The following CACNA1D variants were observed in gnomAD, a reference collection of about 807,000 sequenced individuals.
CACNA1D encodes voltage-dependent L-type calcium channel subunit alpha-1D.
A neutral mutation model predicts 257.1 loss-of-function variants in CACNA1D; 55 were observed. The ratio of observed to expected loss-of-function variants is 0.21; its 90% CI spans 0.17 to 0.27. The LOEUF is 0.27. Among genes scored for constraint, CACNA1D ranks in the 10% least tolerant of loss-of-function variants. The pLI is 1.00. For missense variants in CACNA1D, 1,876 were observed against 2,784.0 expected, an observed-to-expected ratio of 0.67 and a Z score of 7.34; for synonymous variants, 980 against 1,014.9, an observed-to-expected ratio of 0.97 and a Z score of 0.65.
At chr3:53,777,037 C>A in intron 37 of CACNA1D, 81 bp downstream of exon 37, 2 of 1,029,698 alleles carry the variant, frequency 1.9e-6, no homozygotes, top group Non-Finnish European at 3.0e-6. Flanking sequence ...AGTGACACAG[C>A]CAGGCCTTCT....
chr3:53,737,053 C>T (rs540088455), intron 20 of CACNA1D, among the ~76,000 whole-genome samples: 8 of 152,130 alleles, frequency 5.3e-5, no homozygotes, highest in Admixed American at 4.6e-4. Context: ...AATCCCAGCA[C>T]TTTGGGAGGC....
Position 53,725,230 on chromosome 3 carries a change from T to C in CACNA1D, c.2100+1231T>C, listed in dbSNP as rs1056767206. Among the ~76,000 whole-genome samples, 17 of 152,200 alleles carry C rather than the reference T, an allele frequency of 1.1e-4. 1 individual carries two copies. The highest frequency in any genetic ancestry group is 3.9e-4 in the African/African-American group (16 of 41,452). On this transcript the variant is annotated intron_variant, in intron 14 of 47. Coordinates refer to ENST00000350061, the MANE Select transcript of CACNA1D (RefSeq NM_001128840.3). ...CTCACTGTACGTGCTGTTTTGCATC[T>C]TGCTTTTATCACTTTGAGTGTCCTC...
chr3:53,807,617 T>C (rs1208937246), intron 45 of CACNA1D: 1 of 152,218 alleles, frequency 6.6e-6, no homozygotes, highest in Non-Finnish European at 1.5e-5. Flanking sequence ...AAACGATAGG[T>C]GTGCTCTCGA....
chr3:53,653,217 C>T (rs529578424), intron 4 of CACNA1D, among the ~76,000 whole-genome samples: 1 of 152,264 alleles, frequency 6.6e-6, no homozygotes, highest in South Asian at 2.1e-4. Flanking sequence ...TGCCACTGCA[C>T]TCCAACCTGG....
Position 53,803,398 on chromosome 3 carries a change from C to G in CACNA1D, c.5436-25C>G, listed in dbSNP as rs760671506. ...GAATTATCTGCCGCCTGCCCAGGTT[C>G]TCAGATCCTCTCTCCCAACTGCAGG... On this transcript the variant is annotated intron_variant, in intron 43 of 47. Transcript: ENST00000350061. 4.3e-6 allele frequency: 7 copies of G among 1,613,862 alleles called. No homozygotes were observed. In the African/African-American group the frequency reaches 9.3e-5, roughly 22 times the overall value.
chr3:53,808,597 GTC>G, intron 45 of CACNA1D, 50 bp from the exon 46 acceptor site: 1 of 1,600,876 alleles, frequency 6.2e-7, no homozygotes, highest in Non-Finnish European at 8.5e-7. Flanking sequence ...GAAAGACGGT[GTC>G]CCGGCAGAGA....
At position 53,679,270 on chromosome 3, in the gene CACNA1D, CAAAAAAAAAAAAAAAAAAAAAAAAAA is replaced by C. The variant is rs1166823497; in HGVS notation, c.1220+6156_1220+6181del. ...GGGTGACAAGAGCAAAACTCCATCT[CAAAAAAAAAAAAAAAAAAAAAAAAAA>C]AAAAAAAAAAAGACTTTTCTCTCAT... On this transcript the variant is annotated intron_variant, in intron 8 of 47. Transcript: ENST00000350061. 3 of 16,330 alleles carry C rather than the reference CAAAAAAAAAAAAAAAAAAAAAAAAAA, an allele frequency of 1.8e-4. No homozygotes were observed. In the Admixed American group the frequency reaches 4.2e-3, roughly 23 times the overall value. The allele number at this position is 16,330 out of a possible 1,614,324, so 1.0% of individuals were successfully genotyped here.
intron 3 of CACNA1D, among the ~76,000 whole-genome samples, chr3:53,609,935 G>C (rs1209151291): frequency 6.6e-6 from 1 of 151,940 alleles, no homozygotes; most frequent in Admixed American, 6.6e-5. Flanking sequence ...AGTTTTTTTG[G>C]TATGTTGCAT....
intron 9 of CACNA1D, among the ~76,000 whole-genome samples, chr3:53,708,077 T>C (rs2094710812): frequency 6.6e-6 from 1 of 152,234 alleles, no homozygotes; most frequent in Non-Finnish European, 1.5e-5. Flanking sequence ...TGGAGCAGGT[T>C]GCCCTAGCTG....
intron 19 of CACNA1D, among the ~76,000 whole-genome samples, chr3:53,734,959 G>C (rs987393137): frequency 1.2e-4 from 19 of 152,234 alleles, no homozygotes; most frequent in Admixed American, 9.8e-4. Flanking sequence ...TCCTCTCTCA[G>C]TCAGGGAAGA....
chr3:53,609,728 G>C (rs1247583995), intron 3 of CACNA1D, among the ~76,000 whole-genome samples: 1 of 151,958 alleles, frequency 6.6e-6, no homozygotes, highest in Non-Finnish European at 1.5e-5. Context: ...TTCTTCCCTT[G>C]ATTTTTCTCT....
chr3:53,754,706 G>A (rs1382203460), intron 29 of CACNA1D, among the ~76,000 whole-genome samples: 1 of 152,128 alleles, frequency 6.6e-6, no homozygotes, highest in Admixed American at 6.5e-5. Context: ...TTCTTTCCCA[G>A]TACAGCCAAA....
intron 40 of CACNA1D, among the ~76,000 whole-genome samples, chr3:53,797,382 C>T (rs565018419): frequency 4.7e-4 from 71 of 152,252 alleles, no homozygotes; most frequent in African/African-American, 1.6e-3. Context: ...AGAGTCAGTC[C>T]CTGACTCTTA....
Position 53,800,578 on chromosome 3 carries a change from A to C in CACNA1D, c.5040+213A>C, listed in dbSNP as rs2095531355. The C allele has an allele frequency of 6.4e-6, 4 of 621,496 alleles. No individual in the cohort carries two copies. The Admixed American group carries it at 6.7e-5, about 10-fold the overall frequency. 38.5% of individuals were successfully genotyped at this position (621,496 alleles called of 1,614,324 possible). ...CCAGGCCAGCTCTTTCCCTGAGCTT[A>C]CCCAGCTTCCCCTCACTGCCTGCTT... On this transcript the variant is annotated intron_variant, in intron 41 of 47. Transcript: ENST00000350061. This position sits in a 1 kb window ranked among gnomAD's most constrained non-coding sequence, Gnocchi z 4.3.
chr3:53,698,985 A>G (rs770142206), intron 8 of CACNA1D, among the ~76,000 whole-genome samples: 54 of 152,204 alleles, frequency 3.5e-4, no homozygotes, highest in Non-Finnish European at 5.6e-4. Context: ...TTGTAAAACA[A>G]TCTCTTAGTA....
chr3:53,548,489 C>T (rs9875323), intron 3 of CACNA1D, among the ~76,000 whole-genome samples: 1,607 of 151,960 alleles, frequency 0.011, 27 homozygotes, highest in African/African-American at 0.036. Flanking sequence ...TCCATCATGC[C>T]GGGTCACTGT....
intron 8 of CACNA1D, among the ~76,000 whole-genome samples, chr3:53,700,588 G>A (rs948011498): frequency 6.6e-6 from 1 of 152,206 alleles, no homozygotes; most frequent in African/African-American, 2.4e-5. Context: ...TTCTCAGGGT[G>A]TGGTACATGT....
At position 53,710,592 on chromosome 3, in the gene CACNA1D, A is replaced by G. The variant is rs1193431888; in HGVS notation, c.1391-7709A>G. On this transcript the variant is annotated intron_variant, in intron 9 of 47. Coordinates refer to ENST00000350061, the MANE Select transcript of CACNA1D (RefSeq NM_001128840.3). ...TGTGGTGTGTTCAGAAGATGCCTAT[A>G]TTTTAATTGCTTGATTTCTTTCTTC... is the stretch of plus-strand genomic sequence containing the variant. The G allele has an allele frequency of 4.0e-5, 15 of 373,260 alleles. No individual in the cohort carries two copies. The Admixed American group carries it at 4.9e-4, about 12-fold the overall frequency. 23.1% of individuals were successfully genotyped at this position (373,260 alleles called of 1,614,324 possible). A position where few individuals can be genotyped will look rare whatever the true frequency, so the allele number is the denominator to read the frequency against.
intron 15 of CACNA1D, among the ~76,000 whole-genome samples, chr3:53,727,343 T>G (rs1239792294): frequency 1.3e-5 from 2 of 152,196 alleles, no homozygotes; most frequent in Non-Finnish European, 2.9e-5. Flanking sequence ...CAGGTGGTTC[T>G]TTATGTTATC....
Sources: allele counts gnomAD v4.1 joint callset (sites outside exome capture counted in the v4.1 genomes callset), GRCh38; gene constraint gnomAD v4.1.1; non-coding constraint Gnocchi (gnomAD v3.1); transcripts MANE v1.5; gene names NCBI Gene and HGNC (gene_info 2026-07-23, HGNC 2026-07-21).